GABBR2: variants seen among roughly 807,000 people sequenced by gnomAD.
GABBR2 encodes the protein gamma-aminobutyric acid type B receptor subunit 2, also known as G-protein coupled receptor 51.
In GABBR2, 23 loss-of-function variants were observed where a neutral mutation model predicts 105.6. That is an observed-to-expected ratio of 0.22 (90% CI 0.16 to 0.31). GABBR2 has a LOEUF of 0.31. Ranked by LOEUF, GABBR2 falls within the 10% of genes least tolerant of loss-of-function variation. The pLI, the probability that GABBR2 is intolerant of heterozygous loss-of-function variation, is 1.00. For synonymous variants in GABBR2, 478 were observed against 499.7 expected, an observed-to-expected ratio of 0.96 and a Z score of 0.58; for missense variants, 734 against 1,245.5, an observed-to-expected ratio of 0.59 and a Z score of 6.18.
chr9:98,343,030 C>G (rs1326110565), intron 13 of GABBR2, among the ~76,000 whole-genome samples: 1 of 152,236 alleles, frequency 6.6e-6, no homozygotes, highest in Non-Finnish European at 1.5e-5. Flanking sequence ...CTTCCAATAT[C>G]TGTTTCCATA....
intron 8 of GABBR2, 108 bp from the exon 9 acceptor site, chr9:98,394,363 C>T (rs1832249625): frequency 2.7e-6 from 2 of 743,484 alleles, no homozygotes; most frequent in Non-Finnish European, 4.7e-6. Context: ...TATATTCTGG[C>T]AGGCTTCCCT....
At chr9:98,292,710 AG>A (rs1830320603) in intron 18 of GABBR2, among the ~76,000 whole-genome samples, 2 of 152,360 alleles carry the variant, frequency 1.3e-5, no homozygotes, top group South Asian at 4.1e-4. Flanking sequence ...GTCCTGTCCA[AG>A]CACCCAGGGC....
chr9:98,385,040 T>C (rs1157935478), intron 11 of GABBR2, among the ~76,000 whole-genome samples: 1 of 152,244 alleles, frequency 6.6e-6, no homozygotes, highest in Non-Finnish European at 1.5e-5. Flanking sequence ...TATTCTTTGA[T>C]GGTTTTTGAG....
chr9:98,682,470 G>C (rs1830563562), intron 1 of GABBR2, among the ~76,000 whole-genome samples: 1 of 142,354 alleles, frequency 7.0e-6, no homozygotes, highest in African/African-American at 2.6e-5. Context: ...CTGCCTCCTG[G>C]ATTCAAGCAA....
At chr9:98,574,610 T>G (rs1159118191) in intron 2 of GABBR2, among the ~76,000 whole-genome samples, 2 of 152,268 alleles carry the variant, frequency 1.3e-5, no homozygotes, top group Non-Finnish European at 1.5e-5. Context: ...ATTGCTGTTT[T>G]AAGACACTAA....
chr9:98,389,915 C>T (rs1160052644), intron 9 of GABBR2, among the ~76,000 whole-genome samples: 1 of 152,084 alleles, frequency 6.6e-6, no homozygotes, highest in Non-Finnish European at 1.5e-5. Flanking sequence ...CCGGATGTTA[C>T]AAAGTAGCCA....
intron 1 of GABBR2, among the ~76,000 whole-genome samples, chr9:98,597,368 C>T (rs1159817811): frequency 6.6e-6 from 1 of 152,204 alleles, no homozygotes; most frequent in East Asian, 1.9e-4. Flanking sequence ...GTGGCAATAA[C>T]AGCAGCCAGA....
chr9:98,686,546 C>T (rs775793691), intron 1 of GABBR2, among the ~76,000 whole-genome samples: 2 of 152,188 alleles, frequency 1.3e-5, no homozygotes, highest in African/African-American at 4.8e-5. Flanking sequence ...TAGGCATGCA[C>T]CACCACACCC....
At chr9:98,508,356 T>C (rs1013365852) in intron 3 of GABBR2, among the ~76,000 whole-genome samples, 1 of 152,182 alleles carries the variant, frequency 6.6e-6, no homozygotes, top group African/African-American at 2.4e-5. Flanking sequence ...AGATGGGTGA[T>C]TTCTGCATTT....
intron 13 of GABBR2, among the ~76,000 whole-genome samples, chr9:98,349,438 C>T (rs9987611): frequency 0.65 from 95,115 of 146,532 alleles, 31,757 homozygotes; most frequent in Admixed American, 0.74. Context: ...TTGCAACCTC[C>T]GCCTCCTGGG....
intron 3 of GABBR2, among the ~76,000 whole-genome samples, chr9:98,504,132 G>A (rs951977493): frequency 1.3e-5 from 2 of 152,042 alleles, no homozygotes; most frequent in South Asian, 4.2e-4. Context: ...TAATCCTCAG[G>A]CCCTTCTACT....
At chr9:98,433,562 C>G (rs1825848660) in intron 7 of GABBR2, among the ~76,000 whole-genome samples, 1 of 152,180 alleles carries the variant, frequency 6.6e-6, no homozygotes, top group Non-Finnish European at 1.5e-5. Context: ...GATTAAGTTA[C>G]ATACTATTCC....
chr9:98,697,386 A>G (rs337550), intron 1 of GABBR2, among the ~76,000 whole-genome samples: 107,209 of 151,824 alleles, frequency 0.71, 39,161 homozygotes, highest in Middle Eastern at 0.84. Flanking sequence ...AGCTACTCGG[A>G]AGGCGGAGGC....
intron 7 of GABBR2, among the ~76,000 whole-genome samples, chr9:98,415,627 T>G (rs1832676972): frequency 6.6e-6 from 1 of 152,172 alleles, no homozygotes; most frequent in Admixed American, 6.5e-5. Flanking sequence ...CTGAAACATT[T>G]GTGTGCGTTA....
intron 7 of GABBR2, among the ~76,000 whole-genome samples, chr9:98,429,121 G>GGTGTGTGTGTGTGTGT (rs56248488): frequency 0.012 from 1,814 of 145,532 alleles, 28 homozygotes; most frequent in East Asian, 0.069. Context: ...CCAGGTTTTT[G>GGTGTGTGTGTGTGTGT]GTGTGTGTGT....
chr9:98,667,158 G>C (rs1401945014), intron 1 of GABBR2, among the ~76,000 whole-genome samples: 2 of 152,286 alleles, frequency 1.3e-5, no homozygotes, highest in East Asian at 3.9e-4. Context: ...ATATAGAACA[G>C]AGAGCAAAGG....
chr9:98,629,358 C>A (rs753165380), intron 1 of GABBR2, among the ~76,000 whole-genome samples: 42 of 152,110 alleles, frequency 2.8e-4, no homozygotes, highest in Non-Finnish European at 5.1e-4. Context: ...CTTATTTATA[C>A]CTAAGTTGAT....
chr9:98,708,272 A>C, intron 1 of GABBR2, 145 bp downstream of exon 1: 1 of 791,752 alleles, frequency 1.3e-6, no homozygotes, highest in East Asian at 3.3e-5. Flanking sequence ...CGCGGGGGTG[A>C]ACACTGGGCA....
At chr9:98,542,943 T>G (rs1362506819) in intron 2 of GABBR2, among the ~76,000 whole-genome samples, 1 of 149,498 alleles carries the variant, frequency 6.7e-6, no homozygotes, top group Non-Finnish European at 1.5e-5. Flanking sequence ...CTTTTCAGAT[T>G]GAATTTAATG....
Sources: gnomAD v4.1 joint callset for allele counts (sites outside exome capture counted in the v4.1 genomes callset) on GRCh38, gnomAD v4.1.1 for gene constraint, MANE v1.5 for transcripts, NCBI Gene and HGNC (gene_info 2026-07-23, HGNC 2026-07-21) for gene names.